CAMSAP1: variants seen among roughly 807,000 people sequenced by gnomAD.
CAMSAP1 encodes calmodulin regulated spectrin associated protein 1.
CAMSAP1 carries 58 observed loss-of-function variants against 143.5 expected under a neutral mutation model. The observed-to-expected ratio is 0.40, with a 90% CI of 0.33 to 0.50. The LOEUF (loss-of-function observed/expected upper bound fraction) is 0.50, where lower values mean the gene tolerates loss of function less well. CAMSAP1 is among the 20% of genes least tolerant of loss of function. The probability of loss-of-function intolerance (pLI) is 0.45; values close to 1 mark genes in which losing one functional copy is unlikely to be tolerated. For missense variants in CAMSAP1, 1,969 were observed against 2,115.7 expected (o/e 0.93, Z 1.36); for synonymous variants, 945 against 859.3 (o/e 1.10, Z -1.74).
chr9:135,822,462 G>A lies in CAMSAP1; in HGVS notation c.2199C>T (p.Leu733=), dbSNP rs761768209. 1 of 1,613,342 alleles carries A rather than the reference G, an allele frequency of 6.2e-7. No homozygotes were observed. The highest frequency in any genetic ancestry group is 8.5e-7 in the Non-Finnish European group (1 of 1,179,900). ...PNSHDSEPWT[L]LRQDSDSDVV... is the part of the protein sequence containing the mutation. ...CATCCGAGTCAGAATCCTGCCTGAG[G>A]AGAGTCCACGGCTCTGAATCGTGGG... The change falls in exon 11 of 17, where the codon CTC becomes CTT. Residue 733 remains leucine, a synonymous_variant. Transcript: ENST00000389532. The surrounding 1 kb of genome is among the most constrained non-coding windows in gnomAD (Gnocchi z 6.1).
chr9:135,811,126 G>A lies in CAMSAP1; in HGVS notation c.*183C>T, dbSNP rs1047609300. The A allele has an allele frequency of 5.4e-5, 37 of 687,540 alleles. No homozygotes were observed. Among genetic ancestry groups the A allele is most frequent in the African/African-American group, 2.4e-4 (13 of 55,314 alleles). The allele number at this position is 687,540 out of a possible 1,614,324, so 42.6% of individuals were successfully genotyped here. A position where few individuals can be genotyped will look rare whatever the true frequency, so the allele number is the denominator to read the frequency against. On this transcript the variant is annotated 3_prime_UTR_variant, in exon 17 of 17. Coordinates refer to ENST00000389532, the MANE Select transcript of CAMSAP1 (RefSeq NM_015447.4). This position sits in a 1 kb window ranked among gnomAD's most constrained non-coding sequence, Gnocchi z 4.9. Reference sequence around the variant, plus strand: ...CTGGCATCCTCTGCGTGAGATGAGCGCTGAGAGAGGGGTTTTCTTCTGCTG... The same window carrying A: ...CTGGCATCCTCTGCGTGAGATGAGCACTGAGAGAGGGGTTTTCTTCTGCTG...
chr9:135,819,516 T>C (rs1307946447), intron 11 of CAMSAP1, among the ~76,000 whole-genome samples: 2 of 151,838 alleles, frequency 1.3e-5, no homozygotes, highest in Non-Finnish European at 2.9e-5. Context: ...CTGCCCAACA[T>C]GGCGAAACCC....
At chr9:135,819,655 G>A (rs1009358373) in intron 11 of CAMSAP1, among the ~76,000 whole-genome samples, 23 of 136,214 alleles carry the variant, frequency 1.7e-4, no homozygotes, top group African/African-American at 6.0e-4. Context: ...CCGACATGGC[G>A]AAACCCTGTC....
chr9:135,831,298 G>C (rs931120780), intron 7 of CAMSAP1, among the ~76,000 whole-genome samples: 1 of 152,092 alleles, frequency 6.6e-6, no homozygotes, highest in African/African-American at 2.4e-5. Flanking sequence ...GCTGAATGAA[G>C]CGGAATACAA....
chr9:135,872,546 G>A (rs551341371), intron 3 of CAMSAP1, among the ~76,000 whole-genome samples: 1 of 152,140 alleles, frequency 6.6e-6, no homozygotes, highest in Non-Finnish European at 1.5e-5. Flanking sequence ...AAATGCAATT[G>A]GTTTAAACAC....
At chr9:135,831,144 A>G (rs930636626) in intron 7 of CAMSAP1, among the ~76,000 whole-genome samples, 1 of 152,252 alleles carries the variant, frequency 6.6e-6, no homozygotes, top group African/African-American at 2.4e-5. Context: ...CCTGTGTGAC[A>G]GAGTGAGACT....
chr9:135,890,169 A>C (rs1033535851), intron 1 of CAMSAP1, among the ~76,000 whole-genome samples: 4 of 152,062 alleles, frequency 2.6e-5, no homozygotes, highest in Non-Finnish European at 4.4e-5. Context: ...TGCCCAACCC[A>C]CACCCATGGA....
chr9:135,865,242 A>G (rs41306399), intron 4 of CAMSAP1: 195,605 of 1,256,174 alleles, frequency 0.16, 16,936 homozygotes, highest in South Asian at 0.17. Context: ...ACAAAAAAAC[A>G]GTTTTGGGTG....
In CAMSAP1 at chr9:135,821,191, C is replaced by G. The variant is rs1835441537; in HGVS notation, c.3470G>C (p.Ser1157Thr). ...DPGLDSALEP[S>T]GDPHGKCLFD... ...GAGACACTTCCCATGTGGGTCACCA[C>G]TGGGCTCCAGGGCACTGTCCAGGCC... is the stretch of plus-strand genomic sequence containing the variant. Residue 1157 changes from serine to threonine, a missense_variant, in exon 11 of 17, where the codon AGT (serine) becomes ACT (threonine). Physicochemically the swap from Ser to Thr is moderately conservative, Grantham distance 58. This residue lies in a region of CAMSAP1 where 1,390 missense variants were observed against 1,420.8 expected (regional missense o/e 0.98). Coordinates refer to ENST00000389532, the MANE Select transcript of CAMSAP1 (RefSeq NM_015447.4). The surrounding 1 kb of genome is among the most constrained non-coding windows in gnomAD (Gnocchi z 4.6). 6.2e-7 allele frequency: 1 copy of G among 1,609,982 alleles called. No homozygotes were observed. The highest frequency in any genetic ancestry group is 1.3e-5 in the African/African-American group (1 of 74,952).
chr9:135,907,519 G>A lies in CAMSAP1; in HGVS notation c.-360C>T, dbSNP rs1838826188. Among the ~76,000 whole-genome samples the A allele has an allele frequency of 6.7e-6, 1 of 148,944 alleles. No individual in the cohort carries two copies. Among genetic ancestry groups the A allele is most frequent in the South Asian group, 2.1e-4 (1 of 4,812 alleles). ...GGCGGCGGCGGCGACAGCGGCTGAG[G>A]CGGTGGCCAAGGAGCGGGAGCGCGC... is the stretch of plus-strand genomic sequence containing the variant. On this transcript the variant is annotated 5_prime_UTR_variant, in exon 1 of 17. Coordinates refer to ENST00000389532, the MANE Select transcript of CAMSAP1 (RefSeq NM_015447.4).
intron 3 of CAMSAP1, 143 bp downstream of exon 3, chr9:135,881,490 G>A (rs747680401): frequency 6.4e-6 from 6 of 933,554 alleles, no homozygotes; most frequent in Non-Finnish European, 9.7e-6. Context: ...AACTACAGCA[G>A]ACACATTTCT....
intron 3 of CAMSAP1, among the ~76,000 whole-genome samples, chr9:135,868,554 C>T (rs1837461506): frequency 6.6e-6 from 1 of 150,824 alleles, no homozygotes; most frequent in Non-Finnish European, 1.5e-5. Context: ...TTGTTTCTGC[C>T]ACCAAAAGCT....
intron 3 of CAMSAP1, among the ~76,000 whole-genome samples, chr9:135,868,818 G>C (rs771392681): frequency 2.9e-4 from 44 of 151,764 alleles, no homozygotes; most frequent in Non-Finnish European, 5.1e-4. Flanking sequence ...GGATTTCACC[G>C]TGTTAGCCAG....
At chr9:135,849,142 C>T (rs1836681588) in intron 7 of CAMSAP1, among the ~76,000 whole-genome samples, 1 of 152,242 alleles carries the variant, frequency 6.6e-6, no homozygotes, top group Admixed American at 6.5e-5. Context: ...ATACACTTAA[C>T]CTAGCAAACA....
chr9:135,834,333 C>T (rs1442528194), intron 7 of CAMSAP1, among the ~76,000 whole-genome samples: 3 of 152,160 alleles, frequency 2.0e-5, no homozygotes, highest in East Asian at 1.9e-4. Context: ...AAATCTGCGT[C>T]GCTAAGAGTT....
At chr9:135,812,659 T>C (rs1389828884) in intron 16 of CAMSAP1, among the ~76,000 whole-genome samples, 1 of 152,202 alleles carries the variant, frequency 6.6e-6, no homozygotes, top group Non-Finnish European at 1.5e-5. Context: ...TTTTACGGTA[T>C]GTGAATGATA....
At position 135,810,486 on chromosome 9, in the gene CAMSAP1, T is replaced by G. The variant is rs1324119942; in HGVS notation, c.*823A>C. On this transcript the variant is annotated 3_prime_UTR_variant, in exon 17 of 17. Transcript: ENST00000389532. ...AACCATTAGAGCACTACCCAAAACT[T>G]AATGAATGATGGCTGCAGTTGGCTC... 1 of 152,648 alleles carries G rather than the reference T, an allele frequency of 6.6e-6. No homozygotes were observed. The highest frequency in any genetic ancestry group is 1.5e-5 in the Non-Finnish European group (1 of 68,042). The allele number at this position is 152,648 out of a possible 1,614,324, so 9.5% of individuals were successfully genotyped here. A position where few individuals can be genotyped will look rare whatever the true frequency, so the allele number is the denominator to read the frequency against.
chr9:135,884,867 G>A lies in CAMSAP1; in HGVS notation c.161-1789C>T, dbSNP rs567066200. 1.2e-4 allele frequency among the ~76,000 whole-genome samples: 18 copies of A among 152,344 alleles called. No individual in the cohort carries two copies. The South Asian group carries it at 3.3e-3, about 28-fold the overall frequency. On this transcript the variant is annotated intron_variant, in intron 1 of 16. Transcript: ENST00000389532. ...AGAGCAAGGTGGCCAGGGACAAACA[G>A]GCGGCCTGTGGGCCCATGTTTGTCC...
chr9:135,831,186 G>A (rs541384612), intron 7 of CAMSAP1, among the ~76,000 whole-genome samples: 4 of 152,046 alleles, frequency 2.6e-5, no homozygotes, highest in Non-Finnish European at 4.4e-5. Context: ...GTAACGGCAA[G>A]AAAACAGGAT....
Sources: allele counts gnomAD v4.1 joint callset (sites outside exome capture counted in the v4.1 genomes callset), GRCh38; gene constraint gnomAD v4.1.1; regional missense constraint gnomAD v4.1.1; non-coding constraint Gnocchi (gnomAD v3.1); transcripts MANE v1.5; gene names NCBI Gene and HGNC (gene_info 2026-07-23, HGNC 2026-07-21).